The following STX12 variants were observed in gnomAD, a reference collection of about 807,000 sequenced individuals.
STX12 encodes the protein syntaxin 12, also known as syntaxin-12.
STX12 carries 17 observed loss-of-function variants against 42.2 expected under a neutral mutation model. That is an observed-to-expected ratio of 0.40 (90% CI 0.28 to 0.60). The LOEUF is 0.60. STX12 is among the 20% of genes least tolerant of loss of function. The probability of loss-of-function intolerance (pLI) is 0.39; values close to 1 mark genes in which losing one functional copy is unlikely to be tolerated. For missense variants in STX12, 297 were observed against 330.9 expected (o/e 0.90, Z 0.79); for synonymous variants, 108 against 116.7 (o/e 0.93, Z 0.48).
chr1:27,786,820 T>G (rs1047926626), intron 1 of STX12, among the ~76,000 whole-genome samples: 3 of 152,202 alleles, frequency 2.0e-5, no homozygotes, highest in African/African-American at 7.2e-5. Context: ...TAAATGAAAA[T>G]TCATGCCCTC....
intron 1 of STX12, among the ~76,000 whole-genome samples, chr1:27,774,646 A>G (rs2088616608): frequency 6.6e-6 from 1 of 151,968 alleles, no homozygotes; most frequent in African/African-American, 2.4e-5. Flanking sequence ...GGCGTGAGCC[A>G]CTGTGCCTAG....
chr1:27,822,345 C>G lies in STX12; in HGVS notation c.*16C>G. The G allele has an allele frequency of 6.5e-7, 1 of 1,535,450 alleles. No individual in the cohort carries two copies. Among genetic ancestry groups the G allele is most frequent in the Non-Finnish European group, 9.0e-7 (1 of 1,108,358 alleles). On this transcript the variant is annotated 3_prime_UTR_variant, in exon 9 of 9. Coordinates refer to ENST00000373943, the MANE Select transcript of STX12 (RefSeq NM_177424.3). ...AACGAAGTGATTGCCTCCGATCGTT[C>G]TCCCGCTGAGCTGTTTTCAAGGGCA...
At chr1:27,780,445 T>C (rs908877276) in intron 1 of STX12, among the ~76,000 whole-genome samples, 1 of 152,046 alleles carries the variant, frequency 6.6e-6, no homozygotes, top group Middle Eastern at 3.2e-3. Context: ...TGACCTCAGG[T>C]GATCTGCCTG....
At chr1:27,795,609 G>A (rs1354214046) in intron 3 of STX12, among the ~76,000 whole-genome samples, 1 of 151,852 alleles carries the variant, frequency 6.6e-6, no homozygotes, top group Non-Finnish European at 1.5e-5. Context: ...CCTGGCCCAT[G>A]TTGTCAAATT....
chr1:27,804,547 C>T (rs1000708187), intron 4 of STX12, among the ~76,000 whole-genome samples: 1 of 151,720 alleles, frequency 6.6e-6, no homozygotes, highest in African/African-American at 2.4e-5. Context: ...CGTGGTGGCT[C>T]ACGCCTGTAA....
chr1:27,789,046 A>G (rs991459108), intron 1 of STX12, among the ~76,000 whole-genome samples: 2 of 152,102 alleles, frequency 1.3e-5, no homozygotes, highest in African/African-American at 2.4e-5. Context: ...AAGTACATCT[A>G]CTGGAGATTG....
At chr1:27,790,564 T>A (rs1461484353) in intron 2 of STX12, among the ~76,000 whole-genome samples, 1 of 152,208 alleles carries the variant, frequency 6.6e-6, no homozygotes, top group Non-Finnish European at 1.5e-5. Context: ...ACAGAAAATT[T>A]CTCAGAGTCC....
intron 2 of STX12, among the ~76,000 whole-genome samples, chr1:27,791,336 A>G (rs2088739504): frequency 3.3e-5 from 1 of 30,370 alleles, no homozygotes; most frequent in African/African-American, 1.5e-4. Flanking sequence ...TTTTATATTA[A>G]GGACTTGGCA....
intron 5 of STX12, 155 bp from the exon 6 acceptor site, chr1:27,812,008 A>G (rs1044493742): frequency 2.8e-6 from 2 of 702,534 alleles, no homozygotes; most frequent in African/African-American, 3.5e-5. Flanking sequence ...GCTTCTGGAT[A>G]TGAAGAATGT....
chr1:27,783,958 C>T (rs993953348), intron 1 of STX12, among the ~76,000 whole-genome samples: 1 of 152,032 alleles, frequency 6.6e-6, no homozygotes, highest in South Asian at 2.1e-4. Flanking sequence ...GCAGGCAGAT[C>T]ATCTGAGGTC....
At chr1:27,783,975 T>G (rs986103606) in intron 1 of STX12, among the ~76,000 whole-genome samples, 1 of 151,866 alleles carries the variant, frequency 6.6e-6, no homozygotes, top group African/African-American at 2.4e-5. Context: ...GGTCGGGAGT[T>G]TGAGACCAGG....
At chr1:27,791,701 G>C (rs996114053) in intron 2 of STX12, among the ~76,000 whole-genome samples, 25 of 152,120 alleles carry the variant, frequency 1.6e-4, no homozygotes, top group Non-Finnish European at 2.6e-4. Flanking sequence ...TGTAGTCCCA[G>C]CTACTTGGGA....
At chr1:27,782,866 A>G (rs1431805515) in intron 1 of STX12, among the ~76,000 whole-genome samples, 13 of 152,194 alleles carry the variant, frequency 8.5e-5, no homozygotes, top group Admixed American at 8.5e-4. Context: ...TAAAAAAGGT[A>G]ATTTTCATTG....
intron 6 of STX12, among the ~76,000 whole-genome samples, chr1:27,812,529 C>T (rs570347371): frequency 6.6e-6 from 1 of 151,828 alleles, no homozygotes; most frequent in Non-Finnish European, 1.5e-5. Context: ...GCAACCTCTG[C>T]CTCCTGGGTT....
At chr1:27,804,583 G>A (rs752947831) in intron 4 of STX12, among the ~76,000 whole-genome samples, 3 of 152,022 alleles carry the variant, frequency 2.0e-5, no homozygotes, top group South Asian at 2.1e-4. Flanking sequence ...AGGCTGAGGC[G>A]GGCAGATCAC....
At chr1:27,810,898 C>T (rs1040909406) in intron 5 of STX12, among the ~76,000 whole-genome samples, 1 of 151,690 alleles carries the variant, frequency 6.6e-6, no homozygotes, top group African/African-American at 2.4e-5. Flanking sequence ...ACGAAGAGGA[C>T]GTTATTTAAA....
intron 3 of STX12, among the ~76,000 whole-genome samples, chr1:27,798,791 A>AG (rs2088805884): frequency 6.7e-6 from 1 of 149,998 alleles, no homozygotes; most frequent in South Asian, 2.1e-4. Context: ...AAAAAAAAAA[A>AG]AAAAAAAAAA....
At chr1:27,807,078 G>A (rs1267746051) in intron 4 of STX12, among the ~76,000 whole-genome samples, 1 of 151,996 alleles carries the variant, frequency 6.6e-6, no homozygotes. Context: ...ATTTTTGTGG[G>A]CACATGGTAG....
Position 27,773,281 on chromosome 1 carries a change from A to T in STX12, c.-27A>T, listed in dbSNP as rs766305750. On this transcript the variant is annotated 5_prime_UTR_variant, in exon 1 of 9. Transcript: ENST00000373943. ...GCTGCTTCCGGTAGGAGAGCGGTGT[A>T]GAGCGAGCAGGTCTCAGCTCCTCGT... 3 of 1,493,530 alleles carry T rather than the reference A, an allele frequency of 2.0e-6. No homozygotes were observed. Among genetic ancestry groups the T allele is most frequent in the Non-Finnish European group, 2.8e-6 (3 of 1,081,694 alleles). The allele number at this position is 1,493,530 out of a possible 1,614,324, so 92.5% of individuals were successfully genotyped here. A position where few individuals can be genotyped will look rare whatever the true frequency, so the allele number is the denominator to read the frequency against.
Sources: allele counts gnomAD v4.1 joint callset (sites outside exome capture counted in the v4.1 genomes callset), GRCh38; gene constraint gnomAD v4.1.1; transcripts MANE v1.5; gene names NCBI Gene and HGNC (gene_info 2026-07-23, HGNC 2026-07-21).